MFSD1: variants seen among roughly 807,000 people sequenced by gnomAD.
The protein encoded by MFSD1 is lysosomal dipeptide transporter MFSD1.
A neutral mutation model predicts 67.1 loss-of-function variants in MFSD1; 59 were observed. That is an observed-to-expected ratio of 0.88 (90% CI 0.71 to 1.09). The LOEUF (loss-of-function observed/expected upper bound fraction) is 1.09, where lower values mean the gene tolerates loss of function less well. Ranked by LOEUF, MFSD1 falls within the 50% of genes least tolerant of loss-of-function variation. The pLI is 0.00. For missense variants in MFSD1, 552 were observed against 566.1 expected (o/e 0.97, Z 0.25); for synonymous variants, 213 against 200.3 (o/e 1.06, Z -0.54).
Position 158,824,196 on chromosome 3 carries a change from G to A in MFSD1, c.1248G>A (p.Gly416=). 2 of 1,613,018 alleles carry A rather than the reference G, an allele frequency of 1.2e-6. No homozygotes were observed. Among genetic ancestry groups the A allele is most frequent in the Non-Finnish European group, 1.7e-6 (2 of 1,179,632 alleles). Residue 416 remains glycine, a synonymous_variant, in exon 13 of 16, where the codon GGG becomes GGA. Coordinates refer to ENST00000415822, the MANE Select transcript of MFSD1 (RefSeq NM_022736.4). ...CTGGTATGATACTGGATTCTCGGGG[G>A]TATTTGTTTTTGGAAGTGTTCTTCA... ...IIAGMILDSR[G]YLFLEVFFIA... is the part of the protein sequence containing the mutation.
At chr3:158,809,343 T>A in intron 6 of MFSD1, 56 bp downstream of exon 6, 1 of 1,125,652 alleles carries the variant, frequency 8.9e-7, no homozygotes, top group Admixed American at 2.2e-5. Context: ...TTAAATCTTA[T>A]AGTTCTCTTA....
chr3:158,807,163 G>A (rs1729772314), intron 4 of MFSD1, 81 bp downstream of exon 4: 1 of 1,324,632 alleles, frequency 7.5e-7, no homozygotes, highest in Admixed American at 1.8e-5. Context: ...GCAAAGCTGT[G>A]TTTAATTAAT....
intron 6 of MFSD1, among the ~76,000 whole-genome samples, chr3:158,813,120 C>G (rs1375558242): frequency 1.3e-5 from 2 of 150,394 alleles, no homozygotes; most frequent in Non-Finnish European, 3.0e-5. Context: ...TTTTTTTTAA[C>G]CAAAGTAAGT....
In MFSD1 at chr3:158,824,235, T is replaced by C; in HGVS notation, c.1287T>C (p.Ser429=). Residue 429 remains serine (S), a splice_region_variant and synonymous_variant, in exon 13 of 16, where the codon TCT becomes TCC. Transcript: ENST00000415822. ...FLEVFFIACV[S]LSLLSVVLLY... ...AAGTGTTCTTCATTGCCTGTGTTTC[T>C]TGTGAGTATTCCGTATGACAACATT... 3.1e-6 allele frequency: 5 copies of C among 1,588,856 alleles called. No individual in the cohort carries two copies. Among genetic ancestry groups the C allele is most frequent in the Non-Finnish European group, 4.3e-6 (5 of 1,159,490 alleles).
chr3:158,821,936 T>TA, intron 10 of MFSD1, 48 bp from the exon 11 acceptor site: 1 of 1,574,938 alleles, frequency 6.3e-7, no homozygotes, highest in Non-Finnish European at 8.7e-7. Flanking sequence ...GAAACTGATG[T>TA]TTGACTGTGT....
intron 13 of MFSD1, among the ~76,000 whole-genome samples, chr3:158,824,982 A>C (rs1287970272): frequency 2.0e-5 from 3 of 152,214 alleles, no homozygotes; most frequent in Non-Finnish European, 4.4e-5. Flanking sequence ...AAGTTTTAAA[A>C]ATAAATGTTT....
At chr3:158,825,008 A>G (rs1222559085) in intron 13 of MFSD1, among the ~76,000 whole-genome samples, 4 of 152,214 alleles carry the variant, frequency 2.6e-5, no homozygotes, top group Non-Finnish European at 4.4e-5. Flanking sequence ...AGTGGGTCAT[A>G]TAAGAATTTC....
intron 10 of MFSD1, among the ~76,000 whole-genome samples, 153 bp downstream of exon 10, chr3:158,821,806 G>A (rs897454328): frequency 3.3e-5 from 5 of 152,238 alleles, no homozygotes; most frequent in African/African-American, 1.2e-4. Flanking sequence ...GAGTGGCTGT[G>A]TTTAAATTAG....
chr3:158,824,177 T>C lies in MFSD1; in HGVS notation c.1229T>C (p.Met410Thr). Reference protein sequence around the residue: ...GLAIISIIAGMILDSRGYLFL... With the variant: ...GLAIISIIAGTILDSRGYLFL... ...GCCATCATTTCCATCATTGCTGGTA[T>C]GATACTGGATTCTCGGGGGTATTTG... Residue 410 changes from methionine (M) to threonine (T), a missense_variant, in exon 13 of 16, where the codon ATG (methionine) becomes ACG (threonine). Coordinates refer to ENST00000415822, the MANE Select transcript of MFSD1 (RefSeq NM_022736.4). 2 of 1,613,862 alleles carry C rather than the reference T, an allele frequency of 1.2e-6. No homozygotes were observed. Among genetic ancestry groups the C allele is most frequent in the Non-Finnish European group, 1.7e-6 (2 of 1,179,872 alleles).
At position 158,827,976 on chromosome 3, in the gene MFSD1, G is replaced by GAGAGAGAGAGAGAGAGAGAC. The variant is rs1553759912; in HGVS notation, c.1394+642_1394+643insGAGAGAGAGAGAGAGACAGA. ...AGAGAGAGAGAGAGAGAGAGAGAGA[G>GAGAGAGAGAGAGAGAGAGAC]AGACAGAGATCGATCTATATTACTT... is the stretch of plus-strand genomic sequence containing the variant. On this transcript the variant is annotated intron_variant, in intron 15 of 15. Transcript: ENST00000415822. Among the ~76,000 whole-genome samples the GAGAGAGAGAGAGAGAGAGAC allele has an allele frequency of 1.5e-4, 12 of 78,898 alleles. 1 individual carries two copies. The highest frequency in any genetic ancestry group is 2.0e-4 in the Non-Finnish European group (8 of 39,616). 51.8% of individuals were successfully genotyped at this position (78,898 alleles called of 152,430 possible). A position where few individuals can be genotyped will look rare whatever the true frequency, so the allele number is the denominator to read the frequency against.
Position 158,824,396 on chromosome 3 carries a change from T to TGTGAATTTC in MFSD1, c.1288+160_1288+161insGTGAATTTC, listed in dbSNP as rs2108234892. 4.8e-6 allele frequency: 3 copies of TGTGAATTTC among 624,750 alleles called. No individual in the cohort carries two copies. The East Asian group carries it at 8.0e-5, about 17-fold the overall frequency. The allele number at this position is 624,750 out of a possible 1,614,324, so 38.7% of individuals were successfully genotyped here. On this transcript the variant is annotated intron_variant, in intron 13 of 15. Transcript: ENST00000415822. ...CCCTCTGAAGATTCACAGGCATTTT[T>TGTGAATTTC]TAGGAGATTCCTATCCTTAAAGGCA...
chr3:158,803,475 A>C (rs766132983), intron 1 of MFSD1, among the ~76,000 whole-genome samples: 1 of 152,090 alleles, frequency 6.6e-6, no homozygotes, highest in Non-Finnish European at 1.5e-5. Flanking sequence ...ACAAAGAAAG[A>C]ACAACAATAA....
At chr3:158,812,213 C>A (rs778531927) in intron 6 of MFSD1, among the ~76,000 whole-genome samples, 1 of 152,136 alleles carries the variant, frequency 6.6e-6, no homozygotes, top group African/African-American at 2.4e-5. Flanking sequence ...ATAGAAAAAT[C>A]ATGGAGAGGT....
At chr3:158,828,260 G>T (rs1731116173) in intron 15 of MFSD1, among the ~76,000 whole-genome samples, 2 of 152,030 alleles carry the variant, frequency 1.3e-5, no homozygotes, top group South Asian at 4.1e-4. Context: ...AATATTTTTA[G>T]ACATTGAAGT....
At chr3:158,807,785 T>C (rs3816637) in intron 5 of MFSD1, among the ~76,000 whole-genome samples, 29,194 of 152,202 alleles carry the variant, frequency 0.19, 3,305 homozygotes, top group Middle Eastern at 0.31. Context: ...ACCATCGATT[T>C]CTAGGTTGGT....
intron 9 of MFSD1, 40 bp downstream of exon 9, chr3:158,820,366 T>C: frequency 7.4e-7 from 1 of 1,353,056 alleles, no homozygotes. Flanking sequence ...TTGTCTAAAT[T>C]ATCATGAGAG....
intron 14 of MFSD1, 144 bp from the exon 15 acceptor site, chr3:158,827,136 C>G: frequency 1.9e-6 from 1 of 529,918 alleles, no homozygotes; most frequent in Non-Finnish European, 3.3e-6. Context: ...GTAGATAAAC[C>G]ATTACTTTTT....
chr3:158,824,125 A>AT lies in MFSD1; in HGVS notation c.1178dup (p.Met393IlefsTer73). On this transcript the variant is annotated frameshift_variant and splice_region_variant, in exon 13 of 16. Transcript: ENST00000415822. LOFTEE classifies it high-confidence loss of function. Reference sequence around the variant, plus strand: ...GTCTTTATATTTCTTCCATTGTAGCATGCAGTCCATTCAGAATCTTGGGTT... The same window carrying AT: ...GTCTTTATATTTCTTCCATTGTAGCATTGCAGTCCATTCAGAATCTTGGGTT... The AT allele has an allele frequency of 6.2e-7, 1 of 1,607,770 alleles. No individual in the cohort carries two copies. The highest frequency in any genetic ancestry group is 1.3e-5 in the African/African-American group (1 of 74,604).
rs776606533 is a variant in MFSD1, at chr3:158,805,408, A to G, written c.263A>G (p.Tyr88Cys). The change falls in exon 3 of 16, where the codon TAT becomes TGT. Residue 88 changes from tyrosine to cysteine, a missense_variant. By Grantham distance (194) the Tyr-to-Cys change is radical. Transcript: ENST00000415822. ...TTKFMLLYAWYSWPNVVLCFF... is the reference protein window; with the variant it reads ...TTKFMLLYAWCSWPNVVLCFF... Reference sequence around the variant, plus strand: ...AAATTCATGCTGCTGTATGCCTGGTATTCTTGGCCCAATGTAGTTTTGTGT... The same window carrying G: ...AAATTCATGCTGCTGTATGCCTGGTGTTCTTGGCCCAATGTAGTTTTGTGT... 8 of 1,614,044 alleles carry G rather than the reference A, an allele frequency of 5.0e-6. No individual in the cohort carries two copies. The highest frequency in any genetic ancestry group is 6.8e-6 in the Non-Finnish European group (8 of 1,179,916).
Sources: gnomAD v4.1 joint callset for allele counts (sites outside exome capture counted in the v4.1 genomes callset) on GRCh38, gnomAD v4.1.1 for gene constraint, MANE v1.5 for transcripts, NCBI Gene and HGNC (gene_info 2026-07-23, HGNC 2026-07-21) for gene names.